Variants in YJU2B observed in about 807,000 individuals in gnomAD.
YJU2B encodes the protein probable splicing factor YJU2B.
In YJU2B, 18 loss-of-function variants were observed where a neutral mutation model predicts 38.0. The ratio of observed to expected loss-of-function variants is 0.47; its 90% confidence interval spans 0.33 to 0.70. The LOEUF is 0.70. Among genes scored for constraint, YJU2B ranks in the 30% least tolerant of loss-of-function variants. YJU2B has a pLI of 0.02. For missense variants in YJU2B, 538 were observed against 556.3 expected (o/e 0.97, Z 0.33); for synonymous variants, 246 against 225.4 (o/e 1.09, Z -0.82).
At chr19:13,742,347 C>T (rs144983277) in intron 2 of YJU2B, among the ~76,000 whole-genome samples, 173 of 136,934 alleles carry the variant, frequency 1.3e-3, no homozygotes, top group Non-Finnish European at 2.1e-3. Context: ...CTGTCGCCAG[C>T]GCTGGAGTGC....
intron 1 of YJU2B, among the ~76,000 whole-genome samples, chr19:13,748,599 G>A (rs1973339334): frequency 6.6e-6 from 1 of 152,132 alleles, no homozygotes; most frequent in Non-Finnish European, 1.5e-5. Context: ...TCCTGTAAAC[G>A]GAGTATTTGC....
At chr19:13,757,283 G>C in intron 4 of YJU2B, 135 bp from the exon 5 acceptor site, 1 of 653,034 alleles carries the variant, frequency 1.5e-6, no homozygotes, top group Non-Finnish European at 2.8e-6. Flanking sequence ...TGTAATGTGA[G>C]TGCAGCAACT....
At chr19:13,758,830 C>T in intron 6 of YJU2B, 38 bp from the exon 7 acceptor site, 2 of 1,611,888 alleles carry the variant, frequency 1.2e-6, no homozygotes, top group South Asian at 2.2e-5. Context: ...TGGTGCACAG[C>T]CACAGCCTCC....
rs774652299 is a variant in YJU2B at position 13,758,917 on chromosome 19, G to A, written c.307G>A (p.Asp103Asn). ...LCVNYIEMQTDPANCDYVIVS... is the reference protein window; with the variant it reads ...LCVNYIEMQTNPANCDYVIVS... The stretch of plus-strand genomic sequence containing the variant: ...TGTCAACTACATCGAGATGCAGACG[G>A]ACCCCGCCAACTGCGACTACGTGAT... The change falls in exon 7 of 10, where the codon GAC becomes AAC. Residue 103 changes from aspartate (D) to asparagine (N), a missense_variant. By Grantham distance (23) the Asp-to-Asn change is conservative. Coordinates refer to ENST00000221554, the MANE Select transcript of YJU2B (RefSeq NM_030818.4). 31 of 1,613,834 alleles carry A rather than the reference G, an allele frequency of 1.9e-5. No homozygotes were observed. The African/African-American group carries it at 4.1e-4, about 22-fold the overall frequency.
intron 2 of YJU2B, among the ~76,000 whole-genome samples, chr19:13,732,836 T>C (rs889896200): frequency 1.6e-4 from 24 of 152,014 alleles, no homozygotes; most frequent in Admixed American, 2.6e-4. Context: ...CTCAAACTCC[T>C]GACCTCAAGT....
intron 2 of YJU2B, among the ~76,000 whole-genome samples, chr19:13,752,744 CA>C (rs36068622): frequency 2.3e-4 from 33 of 144,728 alleles, no homozygotes; most frequent in Admixed American, 4.8e-4. Context: ...AACTCCATCT[CA>C]AAAAAAAAAA....
In YJU2B at chr19:13,751,769, C is replaced by T. The variant is rs138064732; in HGVS notation, c.-40C>T. 5.1e-5 allele frequency: 83 copies of T among 1,613,228 alleles called. No individual in the cohort carries two copies. The African/African-American group carries it at 8.7e-4, about 17-fold the overall frequency. ...TGTGTTCACAAGGCCAGTTTCTGAT[C>T]GTCCGCCCCGAGGCTGAGGACCAGT... is the stretch of plus-strand genomic sequence containing the variant. On this transcript the variant is annotated 5_prime_UTR_variant, in exon 2 of 10. Coordinates refer to ENST00000221554, the MANE Select transcript of YJU2B (RefSeq NM_030818.4).
At chr19:13,758,774 GAC>G in intron 6 of YJU2B, 92 bp from the exon 7 acceptor site, 1 of 1,458,082 alleles carries the variant, frequency 6.9e-7, no homozygotes, top group Non-Finnish European at 9.4e-7. Flanking sequence ...TTTGTCAAAT[GAC>G]ACCATTGGGT....
chr19:13,751,765 T>C lies in YJU2B; in HGVS notation c.-44T>C. ...GCAGTGTGTTCACAAGGCCAGTTTC[T>C]GATCGTCCGCCCCGAGGCTGAGGAC... On this transcript the variant is annotated 5_prime_UTR_variant, in exon 2 of 10. Transcript: ENST00000221554. 6.2e-7 allele frequency: 1 copy of C among 1,613,338 alleles called. No individual in the cohort carries two copies. The highest frequency in any genetic ancestry group is 8.5e-7 in the Non-Finnish European group (1 of 1,179,240).
intron 4 of YJU2B, among the ~76,000 whole-genome samples, chr19:13,756,972 T>G (rs937980222): frequency 9.8e-6 from 1 of 102,022 alleles, no homozygotes; most frequent in Non-Finnish European, 2.0e-5. Context: ...CGAGACTCCA[T>G]CTCAAAAAAA....
intron 2 of YJU2B, among the ~76,000 whole-genome samples, chr19:13,733,330 C>T (rs1972867174): frequency 6.6e-6 from 1 of 152,142 alleles, no homozygotes; most frequent in African/African-American, 2.4e-5. Context: ...AGTTTGTTAA[C>T]CTTGGCACTA....
chr19:13,745,511 G>T (rs1973205926), upstream of YJU2B, among the ~76,000 whole-genome samples: 1 of 151,794 alleles, frequency 6.6e-6, no homozygotes, highest in Admixed American at 6.6e-5. Flanking sequence ...AAAAATACTA[G>T]CTGGGTGTGG....
rs190052129 is a variant in YJU2B at position 13,759,222 on chromosome 19, G to A, written c.523G>A (p.Ala175Thr). 2.2e-5 allele frequency: 36 copies of A among 1,613,350 alleles called. No individual in the cohort carries two copies. Among genetic ancestry groups the A allele is most frequent in the Admixed American group, 1.3e-4 (8 of 59,892 alleles). The part of the protein sequence containing the change: ...TLSHIQEAQS[A>T]WKDDFALNSM... The stretch of plus-strand genomic sequence containing the variant: ...GAGCCACATCCAGGAGGCCCAGAGC[G>A]CCTGGAAGGACGACTTCGCCCTCAA... The change falls in exon 8 of 10, where the codon GCC becomes ACC. Residue 175 changes from alanine to threonine, a missense_variant. Around this residue, in one of 2 missense-constraint regions of YJU2B, gnomAD observed 488 missense variants for 469.5 expected, o/e 1.04. Transcript: ENST00000221554.
intron 2 of YJU2B, among the ~76,000 whole-genome samples, chr19:13,735,820 A>T (rs535279229): frequency 8.9e-4 from 135 of 152,246 alleles, no homozygotes; most frequent in African/African-American, 3.1e-3. Flanking sequence ...TGGGAAGCCA[A>T]GGCGGGCGGA....
chr19:13,744,763 A>T (rs387821), upstream of YJU2B, among the ~76,000 whole-genome samples: 1 of 151,788 alleles, frequency 6.6e-6, no homozygotes, highest in Non-Finnish European at 1.5e-5. Flanking sequence ...GGAGGCCGAG[A>T]CGGGCGGATC....
chr19:13,751,311 AG>A, intron 1 of YJU2B, among the ~76,000 whole-genome samples: 1 of 152,210 alleles, frequency 6.6e-6, no homozygotes, highest in East Asian at 1.9e-4. Flanking sequence ...GCTACTCGGG[AG>A]ACTGAGGCAG....
At chr19:13,746,959 A>G (rs435594), upstream of YJU2B, among the ~76,000 whole-genome samples, 91,816 of 151,544 alleles carry the variant, frequency 0.61, 28,026 homozygotes, top group Middle Eastern at 0.72. Context: ...TTCTGGGAGG[A>G]TGGTGGTAAC....
intron 8 of YJU2B, among the ~76,000 whole-genome samples, chr19:13,761,971 G>A (rs571627144): frequency 2.0e-5 from 3 of 152,046 alleles, no homozygotes; most frequent in East Asian, 3.9e-4. Context: ...GGATCCACCC[G>A]CCTCAGCCTC....
At chr19:13,756,840 G>A (rs1273148658) in intron 4 of YJU2B, among the ~76,000 whole-genome samples, 1 of 151,894 alleles carries the variant, frequency 6.6e-6, no homozygotes, top group Non-Finnish European at 1.5e-5. Flanking sequence ...GGCTGGGTGC[G>A]GTGGCTCACA....
Sources: gnomAD v4.1 joint callset for allele counts (sites outside exome capture counted in the v4.1 genomes callset) on GRCh38, gnomAD v4.1.1 for gene constraint, gnomAD v4.1.1 regional missense constraint, MANE v1.5 for transcripts, NCBI Gene and HGNC (gene_info 2026-07-23, HGNC 2026-07-21) for gene names.